OR2M3: variants seen among roughly 807,000 people sequenced by gnomAD.
The protein encoded by OR2M3 is olfactory receptor 2M3.
OR2M3 carries 1 observed loss-of-function variant against 4.3 expected under a neutral mutation model. The ratio of observed to expected loss-of-function variants is 0.23; its 90% CI spans 0.08 to 1.11. The LOEUF (loss-of-function observed/expected upper bound fraction) is 1.11. OR2M3 is among the 50% of genes most tolerant of loss of function. The pLI is 0.54. For synonymous variants in OR2M3, 151 were observed against 139.4 expected, an observed-to-expected ratio of 1.08 and a Z score of -0.59; for missense variants, 410 against 390.4, an observed-to-expected ratio of 1.05 and a Z score of -0.42.
rs1666209423 is a variant in OR2M3, at chr1:248,204,941, C to T, written c.*935C>T. 1 of 151,998 alleles carries T rather than the reference C, an allele frequency of 6.6e-6. No homozygotes were observed. The highest frequency in any genetic ancestry group is 1.5e-5 in the Non-Finnish European group (1 of 67,970). 9.4% of individuals were successfully genotyped at this position (151,998 alleles called of 1,614,324 possible). On this transcript the variant is annotated 3_prime_UTR_variant, in exon 2 of 2. Transcript: ENST00000641626. ...TCCCTTTTGACCGCATCCACACCAGCATCTATTATTGTTTGATTGATTATG... is the reference window on the plus strand; with the variant it reads ...TCCCTTTTGACCGCATCCACACCAGTATCTATTATTGTTTGATTGATTATG...
rs1666218802 is a variant in OR2M3, at chr1:248,205,846, G to A, written c.*1840G>A. 6.6e-6 allele frequency: 1 copy of A among 152,018 alleles called. No individual in the cohort carries two copies. The highest frequency in any genetic ancestry group is 2.1e-4 in the South Asian group (1 of 4,828). The allele number at this position is 152,018 out of a possible 1,614,324, so 9.4% of individuals were successfully genotyped here. On this transcript the variant is annotated 3_prime_UTR_variant, in exon 2 of 2. Transcript: ENST00000641626. The stretch of plus-strand genomic sequence containing the variant: ...TTAAGAAGGATGGTGATATTTTAGT[G>A]GGAATTGCATTGAATTTGTAAATTG...
At position 248,210,659 on chromosome 1, in the gene OR2M3, A is replaced by G. The variant is rs1458695168; in HGVS notation, c.*6653A>G. 1 of 147,628 alleles carries G rather than the reference A, an allele frequency of 6.8e-6. No individual in the cohort carries two copies. The highest frequency in any genetic ancestry group is 1.5e-5 in the Non-Finnish European group (1 of 67,772). The allele number at this position is 147,628 out of a possible 1,614,324, so 9.1% of individuals were successfully genotyped here. A position where few individuals can be genotyped will look rare whatever the true frequency, so the allele number is the denominator to read the frequency against. On this transcript the variant is annotated 3_prime_UTR_variant, in exon 2 of 2. Transcript: ENST00000641626. ...TTCTTTGTAATCTCCCCCACCCTTA[A>G]GAAGGTTCTTTGTAATCTCCCCAAC...
rs949694741 is a variant in OR2M3 at position 248,211,667 on chromosome 1, G to A, written c.*7661G>A. 1 of 152,072 alleles carries A rather than the reference G, an allele frequency of 6.6e-6. No homozygotes were observed. Among genetic ancestry groups the A allele is most frequent in the Non-Finnish European group, 1.5e-5 (1 of 68,014 alleles). The allele number at this position is 152,072 out of a possible 1,614,324, so 9.4% of individuals were successfully genotyped here. A position where few individuals can be genotyped will look rare whatever the true frequency, so the allele number is the denominator to read the frequency against. ...AGCCTCCCAAGTAGCTGAGACTACAGGGGCCTGCTAATCTCTCAGGGCCCA... is the reference window on the plus strand; with the variant it reads ...AGCCTCCCAAGTAGCTGAGACTACAAGGGCCTGCTAATCTCTCAGGGCCCA... On this transcript the variant is annotated 3_prime_UTR_variant, in exon 2 of 2. Coordinates refer to ENST00000641626, the MANE Select transcript of OR2M3 (RefSeq NM_001004689.2).
Position 248,203,883 on chromosome 1 carries a change from G to A in OR2M3, c.816G>A (p.Lys272=). 1.2e-6 allele frequency: 2 copies of A among 1,613,828 alleles called. No individual in the cohort carries two copies. Among genetic ancestry groups the A allele is most frequent in the Non-Finnish European group, 1.7e-6 (2 of 1,179,888 alleles). ...CTGATCGCTCCCCAACACAGGACAA[G>A]ATGGTGTCTGTATTCTACACCATCC... ...PTSDRSPTQD[K]MVSVFYTILT... The change falls in exon 2 of 2, where the codon AAG becomes AAA. Residue 272 remains lysine (K), a synonymous_variant. Transcript: ENST00000641626.
rs528337458 is a variant in OR2M3, at chr1:248,212,820, C to T, written c.*8814C>T. On this transcript the variant is annotated 3_prime_UTR_variant, in exon 2 of 2. Coordinates refer to ENST00000641626, the MANE Select transcript of OR2M3 (RefSeq NM_001004689.2). ...CTACAGAGTGTTGTTTTACAACATC[C>T]TATGTGAACTCATTTCTCTTTTGAA... 6.6e-6 allele frequency: 1 copy of T among 152,002 alleles called. No individual in the cohort carries two copies. The highest frequency in any genetic ancestry group is 2.1e-4 in the South Asian group (1 of 4,824). The allele number at this position is 152,002 out of a possible 1,614,324, so 9.4% of individuals were successfully genotyped here.
chr1:248,203,031 G>T lies in OR2M3; in HGVS notation c.-18-19G>T, dbSNP rs377079998. Reference sequence around the variant, plus strand: ...GAGTAAAGTTTTACCAAATTAATACGCTGGTTTTGTGGTACTAGGTAAAAA... The same window carrying T: ...GAGTAAAGTTTTACCAAATTAATACTCTGGTTTTGTGGTACTAGGTAAAAA... On this transcript the variant is annotated intron_variant, in intron 1 of 1. Coordinates refer to ENST00000641626, the MANE Select transcript of OR2M3 (RefSeq NM_001004689.2). The T allele has an allele frequency of 1.0e-5, 16 of 1,568,658 alleles. No individual in the cohort carries two copies. Among genetic ancestry groups the T allele is most frequent in the Non-Finnish European group, 8.7e-7 (1 of 1,155,710 alleles).
At position 248,203,281 on chromosome 1, in the gene OR2M3, A is replaced by T. The variant is rs1206790934; in HGVS notation, c.214A>T (p.Met72Leu). Residue 72 changes from methionine (M) to leucine (L), a missense_variant, in exon 2 of 2, where the codon ATG (methionine) becomes TTG (leucine). Coordinates refer to ENST00000641626, the MANE Select transcript of OR2M3 (RefSeq NM_001004689.2). The stretch of plus-strand genomic sequence containing the variant: ...CAGCCAACTGTCCCTCATGGACCTC[A>T]TGCTCATCTGCACCACCGTACCCAA... ...LLSQLSLMDL[M>L]LICTTVPKMA... 6.2e-7 allele frequency: 1 copy of T among 1,613,890 alleles called. No individual in the cohort carries two copies. The highest frequency in any genetic ancestry group is 1.1e-5 in the South Asian group (1 of 91,074).
rs746182173 is a variant in OR2M3, at chr1:248,203,040, G to T, written c.-18-10G>T. 1.3e-6 allele frequency: 2 copies of T among 1,581,716 alleles called. No individual in the cohort carries two copies. Among genetic ancestry groups the T allele is most frequent in the African/African-American group, 1.3e-5 (1 of 74,298 alleles). On this transcript the variant is annotated splice_polypyrimidine_tract_variant and intron_variant, in intron 1 of 1. Coordinates refer to ENST00000641626, the MANE Select transcript of OR2M3 (RefSeq NM_001004689.2). Reference sequence around the variant, plus strand: ...TTTACCAAATTAATACGCTGGTTTTGTGGTACTAGGTAAAAAGCATACACA... The same window carrying T: ...TTTACCAAATTAATACGCTGGTTTTTTGGTACTAGGTAAAAAGCATACACA...
At chr1:248,200,815 C>A (rs1428831384) in intron 1 of OR2M3, among the ~76,000 whole-genome samples, 1 of 151,910 alleles carries the variant, frequency 6.6e-6, no homozygotes, top group Non-Finnish European at 1.5e-5. Context: ...AAATAAAAGT[C>A]AAAAAGATAT....
Position 248,203,819 on chromosome 1 carries a change from A to G in OR2M3, c.752A>G (p.Tyr251Cys). 2 of 1,613,310 alleles carry G rather than the reference A, an allele frequency of 1.2e-6. No homozygotes were observed. Among genetic ancestry groups the G allele is most frequent in the African/African-American group, 2.7e-5 (2 of 74,936 alleles). ...CSSHLLVVGM[Y>C]YGAALFMYIR... ...TCTCACCTCTTGGTGGTGGGAATGTACTATGGAGCAGCTTTGTTCATGTAC... is the reference window on the plus strand; with the variant it reads ...TCTCACCTCTTGGTGGTGGGAATGTGCTATGGAGCAGCTTTGTTCATGTAC... Residue 251 changes from tyrosine (Y) to cysteine (C), a missense_variant, in exon 2 of 2, where the codon TAC becomes TGC. Tyr to Cys is a radical substitution (Grantham distance 194, BLOSUM62 -2). Transcript: ENST00000641626.
chr1:248,198,958 A>G (rs1295064965), intron 1 of OR2M3, among the ~76,000 whole-genome samples: 2 of 152,068 alleles, frequency 1.3e-5, no homozygotes, highest in Non-Finnish European at 2.9e-5. Context: ...ATGAAATATG[A>G]CCATGATTTT....
chr1:248,198,444 T>A (rs1170752768), intron 1 of OR2M3, among the ~76,000 whole-genome samples: 1 of 152,192 alleles, frequency 6.6e-6, no homozygotes, highest in Non-Finnish European at 1.5e-5. Flanking sequence ...ATATTACATA[T>A]AAAGTTGCTA....
In OR2M3 at chr1:248,203,977, A is replaced by G. The variant is rs760165133; in HGVS notation, c.910A>G (p.Ile304Val). The G allele has an allele frequency of 3.7e-6, 6 of 1,613,786 alleles. No homozygotes were observed. In the African/African-American group the frequency reaches 8.0e-5, roughly 22 times the overall value. The change falls in exon 2 of 2, where the codon ATC becomes GTC. Residue 304 changes from isoleucine to valine, a missense_variant. Physicochemically the swap from Ile to Val is conservative, Grantham distance 29. Coordinates refer to ENST00000641626, the MANE Select transcript of OR2M3 (RefSeq NM_001004689.2). ...GGAGGTGACCAGAGCATTCATGAAG[A>G]TCTTAGGAAAGGGCAAGTCTGGAGA... Reference protein sequence around the residue: ...NKEVTRAFMKILGKGKSGE With the variant: ...NKEVTRAFMKVLGKGKSGE
In OR2M3 at chr1:248,205,325, A is replaced by G. The variant is rs1035160643; in HGVS notation, c.*1319A>G. ...TTCCCAGCTATTTATCTTTGTTTTTATTGCATTAGTTTTTGGGTTCTTGCT... is the reference window on the plus strand; with the variant it reads ...TTCCCAGCTATTTATCTTTGTTTTTGTTGCATTAGTTTTTGGGTTCTTGCT... On this transcript the variant is annotated 3_prime_UTR_variant, in exon 2 of 2. Coordinates refer to ENST00000641626, the MANE Select transcript of OR2M3 (RefSeq NM_001004689.2). The G allele has an allele frequency of 6.6e-6, 1 of 151,720 alleles. No homozygotes were observed. 9.4% of individuals were successfully genotyped at this position (151,720 alleles called of 1,614,324 possible).
At position 248,203,622 on chromosome 1, in the gene OR2M3, A is replaced by T; in HGVS notation, c.555A>T (p.Leu185=). The change falls in exon 2 of 2, where the codon CTA becomes CTT. Residue 185 remains leucine, a synonymous_variant. Coordinates refer to ENST00000641626, the MANE Select transcript of OR2M3 (RefSeq NM_001004689.2). ...TCTTCTGTGACTTCCCCTCCCTACTAATCCTCTCATGCAGTGACACATCAA... is the reference window on the plus strand; with the variant it reads ...TCTTCTGTGACTTCCCCTCCCTACTTATCCTCTCATGCAGTGACACATCAA... The part of the protein sequence containing the change: ...AHFFCDFPSL[L]ILSCSDTSIF... 1 of 1,613,602 alleles carries T rather than the reference A, an allele frequency of 6.2e-7. No homozygotes were observed. The highest frequency in any genetic ancestry group is 8.5e-7 in the Non-Finnish European group (1 of 1,179,738).
rs1486708356 is a variant in OR2M3 at position 248,208,481 on chromosome 1, A to G, written c.*4475A>G. On this transcript the variant is annotated 3_prime_UTR_variant, in exon 2 of 2. Transcript: ENST00000641626. Reference sequence around the variant, plus strand: ...TCCAAGAATTTGTTTCAAGGTTTAGAGCTCCTTTCAGCAGTTCTTGTTGTG... The same window carrying G: ...TCCAAGAATTTGTTTCAAGGTTTAGGGCTCCTTTCAGCAGTTCTTGTTGTG... The G allele has an allele frequency of 6.6e-6, 1 of 152,078 alleles. No individual in the cohort carries two copies. The highest frequency in any genetic ancestry group is 1.5e-5 in the Non-Finnish European group (1 of 68,008). 9.4% of individuals were successfully genotyped at this position (152,078 alleles called of 1,614,324 possible). A position where few individuals can be genotyped will look rare whatever the true frequency, so the allele number is the denominator to read the frequency against.
chr1:248,199,044 C>T (rs1666128428), intron 1 of OR2M3, among the ~76,000 whole-genome samples: 1 of 152,032 alleles, frequency 6.6e-6, no homozygotes, highest in Admixed American at 6.6e-5. Context: ...AGTCGTCTTC[C>T]TGATGTGATA....
Position 248,204,117 on chromosome 1 carries a change from GA to G in OR2M3, c.*112del. ...TTCATTGTGTACATAAATCTGCAAT[GA>G]CATATTTATGTGCACCTATATAATT... On this transcript the variant is annotated 3_prime_UTR_variant, in exon 2 of 2. Coordinates refer to ENST00000641626, the MANE Select transcript of OR2M3 (RefSeq NM_001004689.2). The G allele has an allele frequency of 1.1e-6, 1 of 921,808 alleles. No homozygotes were observed. Among genetic ancestry groups the G allele is most frequent in the Non-Finnish European group, 1.7e-6 (1 of 595,390 alleles). The allele number at this position is 921,808 out of a possible 1,614,324, so 57.1% of individuals were successfully genotyped here. A position where few individuals can be genotyped will look rare whatever the true frequency, so the allele number is the denominator to read the frequency against.
At chr1:248,199,712 A>G (rs1666135475) in intron 1 of OR2M3, among the ~76,000 whole-genome samples, 4 of 152,126 alleles carry the variant, frequency 2.6e-5, no homozygotes, top group Admixed American at 1.3e-4. Context: ...GGTACAGGGC[A>G]ATGTAATAGT....
Sources: gnomAD v4.1 joint callset for allele counts (sites outside exome capture counted in the v4.1 genomes callset) on GRCh38, gnomAD v4.1.1 for gene constraint, MANE v1.5 for transcripts, NCBI Gene and HGNC (gene_info 2026-07-23, HGNC 2026-07-21) for gene names.